The following TMEM14A variants were observed in gnomAD, a reference collection of about 807,000 sequenced individuals.
TMEM14A encodes the protein transmembrane protein 14A.
In TMEM14A, 8 loss-of-function variants were observed where a neutral mutation model predicts 11.6. The ratio of observed to expected loss-of-function variants is 0.69; its 90% CI spans 0.40 to 1.24. The LOEUF is 1.24. Ranked by LOEUF, TMEM14A falls within the 50% of genes most tolerant of loss-of-function variation. The pLI is 0.01. For synonymous variants in TMEM14A, 34 were observed against 45.5 expected (o/e 0.75, Z 1.02); for missense variants, 108 against 121.9 (o/e 0.89, Z 0.54).
intron 2 of TMEM14A, among the ~76,000 whole-genome samples, chr6:52,678,777 A>G (rs1769309772): frequency 6.6e-6 from 1 of 152,226 alleles, no homozygotes; most frequent in South Asian, 2.1e-4. Flanking sequence ...CTGGCATAGA[A>G]TAAAGTTTTA....
Position 52,680,691 on chromosome 6 carries a change from G to GTGTATATATATATATACATATATGTA in TMEM14A, c.71-1121_71-1120insGTATATATATATATACATATATGTAT, listed in dbSNP as rs758417981. 2.5e-3 allele frequency among the ~76,000 whole-genome samples: 90 copies of GTGTATATATATATATACATATATGTA among 35,324 alleles called. 3 individuals carry two copies. Among genetic ancestry groups the GTGTATATATATATATACATATATGTA allele is most frequent in the African/African-American group, 6.3e-3 (83 of 13,132 alleles). The allele number at this position is 35,324 out of a possible 152,430, so 23.2% of individuals were successfully genotyped here. ...TGTGTATATATATATATACATATAT[G>GTGTATATATATATATACATATATGTA]TATATATATATATACACATATATAT... On this transcript the variant is annotated intron_variant, in intron 2 of 4. Transcript: ENST00000211314.
At chr6:52,680,660 T>TATAC (rs1554137453) in intron 2 of TMEM14A, among the ~76,000 whole-genome samples, 1 of 46,708 alleles carries the variant, frequency 2.1e-5, no homozygotes, top group African/African-American at 7.2e-5. Flanking sequence ...TGTGTGTGTA[T>TATAC]ATATATGTGT....
rs1006089671 is a variant in TMEM14A at position 52,671,848 on chromosome 6, T to C, written c.-17+603T>C. Reference sequence around the variant, plus strand: ...TCACATTTGTGATGAGAGCGTGTGATGTGCTGTGCACATCCTCTCCCACCT... The same window carrying C: ...TCACATTTGTGATGAGAGCGTGTGACGTGCTGTGCACATCCTCTCCCACCT... On this transcript the variant is annotated intron_variant, in intron 1 of 4. Coordinates refer to ENST00000211314, the MANE Select transcript of TMEM14A (RefSeq NM_014051.4). Among the ~76,000 whole-genome samples, 3 of 152,232 alleles carry C rather than the reference T, an allele frequency of 2.0e-5. No homozygotes were observed. In the South Asian group the frequency reaches 6.2e-4, roughly 31 times the overall value.
In TMEM14A at chr6:52,681,932, C is replaced by A; in HGVS notation, c.172+18C>A. 1.2e-6 allele frequency: 2 copies of A among 1,603,520 alleles called. No individual in the cohort carries two copies. The highest frequency in any genetic ancestry group is 1.7e-6 in the Non-Finnish European group (2 of 1,170,734). ...GTCACTGTGTAAGTAAGGCATTTTT[C>A]CTGGTTACAGAGACTCAAACATTGG... On this transcript the variant is annotated intron_variant, in intron 3 of 4. Transcript: ENST00000211314.
intron 2 of TMEM14A, 144 bp downstream of exon 2, chr6:52,677,316 TGAAAG>T (rs1414043863): frequency 2.3e-6 from 2 of 877,322 alleles, no homozygotes; most frequent in East Asian, 2.5e-5. Flanking sequence ...AAGGGACTCA[TGAAAG>T]GAAGAGGCTT....
intron 2 of TMEM14A, among the ~76,000 whole-genome samples, chr6:52,680,350 A>G (rs953360277): frequency 3.3e-5 from 5 of 151,726 alleles, no homozygotes; most frequent in African/African-American, 7.3e-5. Context: ...GCCATGACGA[A>G]TAGAGTTTGG....
chr6:52,672,471 C>T (rs919204354), intron 1 of TMEM14A, among the ~76,000 whole-genome samples: 46 of 149,174 alleles, frequency 3.1e-4, no homozygotes, highest in African/African-American at 1.1e-3. Context: ...GGGTGTTTTC[C>T]GGACTGTGTG....
chr6:52,674,139 G>C (rs1769212281), intron 1 of TMEM14A, among the ~76,000 whole-genome samples: 1 of 152,220 alleles, frequency 6.6e-6, no homozygotes, highest in Admixed American at 6.5e-5. Context: ...GTGGTATCAG[G>C]TTTGAAGATA....
intron 3 of TMEM14A, 118 bp downstream of exon 3, chr6:52,682,032 T>C: frequency 1.3e-6 from 1 of 751,922 alleles, no homozygotes; most frequent in Non-Finnish European, 2.2e-6. Context: ...CATATGCATG[T>C]GTTGAGGCTG....
At chr6:52,674,023 A>G (rs941967660) in intron 1 of TMEM14A, among the ~76,000 whole-genome samples, 1 of 152,222 alleles carries the variant, frequency 6.6e-6, no homozygotes, top group East Asian at 1.9e-4. Context: ...GCTTTACAGT[A>G]TTAAATCATT....
intron 4 of TMEM14A, among the ~76,000 whole-genome samples, chr6:52,685,302 A>G (rs1769471920): frequency 6.6e-6 from 1 of 152,176 alleles, no homozygotes; most frequent in Non-Finnish European, 1.5e-5. Flanking sequence ...AATCAGAAGT[A>G]GGGTTTATGG....
At chr6:52,672,915 T>C (rs1360053628) in intron 1 of TMEM14A, among the ~76,000 whole-genome samples, 1 of 152,224 alleles carries the variant, frequency 6.6e-6, no homozygotes, top group Non-Finnish European at 1.5e-5. Flanking sequence ...TGAGGCTCCC[T>C]TCAGTGATCC....
intron 3 of TMEM14A, 120 bp downstream of exon 3, chr6:52,682,034 T>C: frequency 1.3e-6 from 1 of 749,194 alleles, no homozygotes; most frequent in Non-Finnish European, 2.2e-6. Context: ...TATGCATGTG[T>C]TGAGGCTGAA....
At chr6:52,679,092 CA>C (rs1239694544) in intron 2 of TMEM14A, among the ~76,000 whole-genome samples, 1 of 152,112 alleles carries the variant, frequency 6.6e-6, no homozygotes, top group African/African-American at 2.4e-5. Flanking sequence ...CAGATGTATC[CA>C]AATCCTAAAC....
intron 1 of TMEM14A, among the ~76,000 whole-genome samples, chr6:52,676,312 GCACAAT>G (rs928004237): frequency 1.3e-5 from 2 of 152,130 alleles, no homozygotes; most frequent in African/African-American, 4.8e-5. Context: ...GAGTGCAGTG[GCACAAT>G]CACGGCTCAT....
rs766933196 is a variant in TMEM14A, at chr6:52,671,173, C to G, written c.-89C>G. On this transcript the variant is annotated 5_prime_UTR_variant, in exon 1 of 5. Transcript: ENST00000211314. The stretch of plus-strand genomic sequence containing the variant: ...TGGTGCGGAGACTGCTTCCGGACTC[C>G]AGGTACCGCGCTTGGCGGCAGCTGG... 6.6e-6 allele frequency: 1 copy of G among 152,322 alleles called. No individual in the cohort carries two copies. The highest frequency in any genetic ancestry group is 1.5e-5 in the Non-Finnish European group (1 of 68,096). 9.4% of individuals were successfully genotyped at this position (152,322 alleles called of 1,614,324 possible).
chr6:52,678,281 G>A (rs1046415799), intron 2 of TMEM14A, among the ~76,000 whole-genome samples: 3 of 151,738 alleles, frequency 2.0e-5, no homozygotes, highest in Non-Finnish European at 4.4e-5. Flanking sequence ...TATGAGAGGT[G>A]GAAAGAAAGT....
At chr6:52,671,542 G>A (rs541468112) in intron 1 of TMEM14A, among the ~76,000 whole-genome samples, 2 of 152,218 alleles carry the variant, frequency 1.3e-5, no homozygotes, top group African/African-American at 2.4e-5. Flanking sequence ...ATTGCAAAAT[G>A]CTTGGCAGGA....
rs1769273523 is a variant in TMEM14A at position 52,677,176 on chromosome 6, A to G, written c.70+4A>G. 1 of 1,614,132 alleles carries G rather than the reference A, an allele frequency of 6.2e-7. No homozygotes were observed. Among genetic ancestry groups the G allele is most frequent in the East Asian group, 2.2e-5 (1 of 44,890 alleles). ...ATTTTTGGATATAAGCGGAGAGGTA[A>G]GCCTAACCCAAATTTTCATGAAAGG... On this transcript the variant is annotated splice_donor_region_variant and intron_variant, in intron 2 of 4. Transcript: ENST00000211314.
Sources: gnomAD v4.1 joint callset for allele counts (sites outside exome capture counted in the v4.1 genomes callset) on GRCh38, gnomAD v4.1.1 for gene constraint, MANE v1.5 for transcripts, NCBI Gene and HGNC (gene_info 2026-07-23, HGNC 2026-07-21) for gene names.